ARHGAP24: variants seen among roughly 807,000 people sequenced by gnomAD.
ARHGAP24 encodes the protein rho GTPase-activating protein 24.
In ARHGAP24, 50 loss-of-function variants were observed where a neutral mutation model predicts 76.4. The observed-to-expected ratio is 0.65, with a 90% CI of 0.52 to 0.83. The LOEUF (loss-of-function observed/expected upper bound fraction) is 0.83. Ranked by LOEUF, ARHGAP24 falls within the 40% of genes least tolerant of loss-of-function variation. ARHGAP24 has a pLI of 0.00. For synonymous variants in ARHGAP24, 345 were observed against 323.3 expected (o/e 1.07, Z -0.72); for missense variants, 930 against 914.2 (o/e 1.02, Z -0.22).
intron 9 of ARHGAP24, among the ~76,000 whole-genome samples, chr4:85,997,027 T>C (rs1317578432): frequency 6.6e-6 from 1 of 152,140 alleles, no homozygotes; most frequent in Non-Finnish European, 1.5e-5. Flanking sequence ...TGATAGAACT[T>C]CCCAATAGAG....
chr4:85,786,241 C>G (rs1268834731), intron 3 of ARHGAP24, among the ~76,000 whole-genome samples: 1 of 151,626 alleles, frequency 6.6e-6, no homozygotes, highest in Non-Finnish European at 1.5e-5. Flanking sequence ...GAACCTGCAG[C>G]CATACTGGCA....
chr4:85,973,577 A>C (rs1405553704), intron 6 of ARHGAP24, among the ~76,000 whole-genome samples: 1 of 152,200 alleles, frequency 6.6e-6, no homozygotes, highest in South Asian at 2.1e-4. Flanking sequence ...GTTGTGTGTC[A>C]TATCTAAGAA....
intron 1 of ARHGAP24, among the ~76,000 whole-genome samples, chr4:85,538,850 A>G (rs985070720): frequency 6.6e-6 from 1 of 152,182 alleles, no homozygotes; most frequent in Non-Finnish European, 1.5e-5. Context: ...CTGAGCTTAT[A>G]AGAGAAAGTT....
At chr4:85,931,055 T>C (rs79743688) in intron 4 of ARHGAP24, 1 of 1,091,892 alleles carries the variant, frequency 9.2e-7, no homozygotes, top group African/African-American at 1.8e-5. Context: ...AGGTAGATAA[T>C]ATGTTCATGT....
intron 2 of ARHGAP24, among the ~76,000 whole-genome samples, chr4:85,608,589 T>C (rs1240300143): frequency 2.9e-5 from 4 of 137,568 alleles, no homozygotes; most frequent in African/African-American, 1.1e-4. Flanking sequence ...GACAGAGACT[T>C]GCTCTGTCGC....
intron 1 of ARHGAP24, among the ~76,000 whole-genome samples, chr4:85,555,823 A>G (rs1475583242): frequency 6.6e-6 from 1 of 152,164 alleles, no homozygotes; most frequent in Non-Finnish European, 1.5e-5. Context: ...TGTGGACTCA[A>G]GCCAGGGGGC....
intron 3 of ARHGAP24, among the ~76,000 whole-genome samples, chr4:85,867,408 G>A (rs1486309930): frequency 6.6e-6 from 1 of 152,128 alleles, no homozygotes; most frequent in African/African-American, 2.4e-5. Context: ...ATTCTCATAA[G>A]CCAAATAACT....
At chr4:85,827,683 C>G in intron 3 of ARHGAP24, 1 of 246,096 alleles carries the variant, frequency 4.1e-6, no homozygotes, top group Non-Finnish European at 8.2e-6. Flanking sequence ...GACAGCCCCT[C>G]CTCTTCCCTG....
intron 3 of ARHGAP24, among the ~76,000 whole-genome samples, chr4:85,737,752 C>T (rs1372085439): frequency 6.6e-6 from 1 of 152,138 alleles, no homozygotes; most frequent in Admixed American, 6.5e-5. Flanking sequence ...AGATTCCTAA[C>T]ACCAACCAAC....
At chr4:85,544,328 G>T (rs371856958) in intron 1 of ARHGAP24, among the ~76,000 whole-genome samples, 2 of 152,066 alleles carry the variant, frequency 1.3e-5, no homozygotes, top group East Asian at 3.8e-4. Context: ...ACTATGTTAA[G>T]CTTTAATCTA....
chr4:85,843,188 A>C (rs1392466686), intron 3 of ARHGAP24, among the ~76,000 whole-genome samples: 2 of 152,170 alleles, frequency 1.3e-5, no homozygotes, highest in East Asian at 3.8e-4. Flanking sequence ...AATATTTTCT[A>C]TTTAGGTTAA....
At chr4:85,761,363 T>C (rs1468206071) in intron 3 of ARHGAP24, among the ~76,000 whole-genome samples, 1 of 152,206 alleles carries the variant, frequency 6.6e-6, no homozygotes. Flanking sequence ...GAGAATGCTC[T>C]CCTCTCCCAA....
intron 1 of ARHGAP24, among the ~76,000 whole-genome samples, chr4:85,492,163 C>G (rs777249104): frequency 3.8e-4 from 57 of 151,814 alleles, no homozygotes; most frequent in Non-Finnish European, 6.0e-4. Flanking sequence ...CTTGTCATAT[C>G]AGTTTCCTCT....
intron 3 of ARHGAP24, among the ~76,000 whole-genome samples, chr4:85,906,252 A>G (rs1288452868): frequency 6.6e-6 from 1 of 152,194 alleles, no homozygotes; most frequent in Non-Finnish European, 1.5e-5. Context: ...AGCTGCTTAT[A>G]TCACTCTGTT....
chr4:85,881,717 T>C (rs1020757847), intron 3 of ARHGAP24, among the ~76,000 whole-genome samples: 5 of 152,172 alleles, frequency 3.3e-5, no homozygotes, highest in African/African-American at 1.2e-4. Context: ...AGTTTTCTAC[T>C]GGAAACGCTC....
intron 5 of ARHGAP24, among the ~76,000 whole-genome samples, chr4:85,959,487 A>G (rs1344346598): frequency 2.0e-5 from 3 of 152,280 alleles, no homozygotes; most frequent in Non-Finnish European, 2.9e-5. Flanking sequence ...TGGAGTTGCT[A>G]TGGTTCACAT....
chr4:85,748,609 G>A (rs13106553), intron 3 of ARHGAP24, among the ~76,000 whole-genome samples: 22,980 of 152,178 alleles, frequency 0.15, 2,406 homozygotes, highest in East Asian at 0.55. Context: ...GTGGATATAT[G>A]AGAGACACAG....
intron 2 of ARHGAP24, among the ~76,000 whole-genome samples, chr4:85,599,946 G>C (rs1376865281): frequency 2.0e-5 from 3 of 152,030 alleles, no homozygotes; most frequent in African/African-American, 7.2e-5. Context: ...ATTAGGATAA[G>C]GTATCATGGT....
chr4:85,606,491 C>T (rs1448189793), intron 2 of ARHGAP24, among the ~76,000 whole-genome samples: 4 of 145,758 alleles, frequency 2.7e-5, no homozygotes, highest in Non-Finnish European at 4.5e-5. Flanking sequence ...CCAGCCTGGG[C>T]GACAGAGCGA....
Sources: allele counts gnomAD v4.1 joint callset (sites outside exome capture counted in the v4.1 genomes callset), GRCh38; gene constraint gnomAD v4.1.1; transcripts MANE v1.5; gene names NCBI Gene and HGNC (gene_info 2026-07-23, HGNC 2026-07-21).